The following WDR33 variants were observed in gnomAD, a reference collection of about 807,000 sequenced individuals.
The protein encoded by WDR33 is WD repeat domain 33.
A neutral mutation model predicts 164.9 loss-of-function variants in WDR33; 47 were observed. The ratio of observed to expected loss-of-function variants is 0.29; its 90% CI spans 0.23 to 0.36. The LOEUF is 0.36. Ranked by LOEUF, WDR33 falls within the 10% of genes least tolerant of loss-of-function variation. The pLI is 1.00. For synonymous variants in WDR33, 505 were observed against 589.0 expected (o/e 0.86, Z 2.06); for missense variants, 1,137 against 1,754.1 (o/e 0.65, Z 6.28).
chr2:127,788,101 G>GTTA (rs1688666345), intron 1 of WDR33, among the ~76,000 whole-genome samples: 2 of 95,864 alleles, frequency 2.1e-5, no homozygotes, highest in African/African-American at 5.2e-5. Flanking sequence ...CGGACGGGGC[G>GTTA]GCTGGCCGGG....
intron 7 of WDR33, among the ~76,000 whole-genome samples, chr2:127,757,223 T>C (rs573196939): frequency 6.6e-6 from 1 of 152,280 alleles, no homozygotes; most frequent in East Asian, 1.9e-4. Flanking sequence ...CAATAAGTTT[T>C]GGTCATATTA....
At chr2:127,794,410 G>T (rs1394239898) in intron 1 of WDR33, among the ~76,000 whole-genome samples, 1 of 151,390 alleles carries the variant, frequency 6.6e-6, no homozygotes, top group Non-Finnish European at 1.5e-5. Flanking sequence ...TGAGGCAGGA[G>T]AATCACTTGA....
intron 8 of WDR33, among the ~76,000 whole-genome samples, chr2:127,725,992 T>C (rs1453033453): frequency 6.6e-6 from 1 of 152,060 alleles, no homozygotes; most frequent in Non-Finnish European, 1.5e-5. Flanking sequence ...ACAATGGATA[T>C]CTCCAAGGGA....
chr2:127,788,457 C>T (rs1688695490), intron 1 of WDR33, among the ~76,000 whole-genome samples: 1 of 129,466 alleles, frequency 7.7e-6, no homozygotes, highest in Non-Finnish European at 1.6e-5. Context: ...GACGGGGCGG[C>T]TGGCCGGGCG....
chr2:127,787,484 G>A (rs931694720), intron 1 of WDR33, among the ~76,000 whole-genome samples: 3 of 137,696 alleles, frequency 2.2e-5, no homozygotes, highest in Admixed American at 1.4e-4. Flanking sequence ...GCCGGGCGGG[G>A]GGCTGACCCC....
At position 127,763,305 on chromosome 2, in the gene WDR33, T is replaced by C; in HGVS notation, c.627-146A>G. The C allele has an allele frequency of 1.4e-6, 2 of 1,459,828 alleles. No homozygotes were observed. Among genetic ancestry groups the C allele is most frequent in the Non-Finnish European group, 1.8e-6 (2 of 1,106,860 alleles). 90.4% of individuals were successfully genotyped at this position (1,459,828 alleles called of 1,614,324 possible). A position where few individuals can be genotyped will look rare whatever the true frequency, so the allele number is the denominator to read the frequency against. ...AGTGAAGAAGCCCTTAAAGTGAATG[T>C]CGTCAGCTAACATAGGCATCTCATC... On this transcript the variant is annotated intron_variant, in intron 6 of 21. Coordinates refer to ENST00000322313, the MANE Select transcript of WDR33 (RefSeq NM_018383.5). This position sits in a 1 kb window ranked among gnomAD's most constrained non-coding sequence, Gnocchi z 4.5.
Position 127,764,570 on chromosome 2 carries a change from A to G in WDR33, c.626+258T>C, listed in dbSNP as rs1215847853. 1 of 1,550,600 alleles carries G rather than the reference A, an allele frequency of 6.4e-7. No individual in the cohort carries two copies. ...ATACACATTATTAATCATAAATGAAAAGAGAAAACCAGTGCAAAATGCGGC... is the reference window on the plus strand; with the variant it reads ...ATACACATTATTAATCATAAATGAAGAGAGAAAACCAGTGCAAAATGCGGC... On this transcript the variant is annotated intron_variant, in intron 6 of 21. Transcript: ENST00000322313. This position sits in a 1 kb window ranked among gnomAD's most constrained non-coding sequence, Gnocchi z 6.2.
Position 127,738,189 on chromosome 2 carries a change from T to C in WDR33, c.725-11412A>G, listed in dbSNP as rs1686910292. ...TATTAATGAGTAATCTGAGATAACA[T>C]ATGCTCCAACTGGATCTTAACAAAC... On this transcript the variant is annotated intron_variant, in intron 7 of 21. Transcript: ENST00000322313. The surrounding 1 kb of genome is among the most constrained non-coding windows in gnomAD (Gnocchi z 4.4). 1.5e-6 allele frequency: 1 copy of C among 683,692 alleles called. No homozygotes were observed. Among genetic ancestry groups the C allele is most frequent in the Non-Finnish European group, 2.2e-6 (1 of 454,616 alleles). The allele number at this position is 683,692 out of a possible 1,614,324, so 42.4% of individuals were successfully genotyped here. A position where few individuals can be genotyped will look rare whatever the true frequency, so the allele number is the denominator to read the frequency against.
In WDR33 at chr2:127,722,733, G is replaced by A. The variant is rs754784471; in HGVS notation, c.1379-3C>T. The A allele has an allele frequency of 1.2e-6, 2 of 1,613,000 alleles. No individual in the cohort carries two copies. Among genetic ancestry groups the A allele is most frequent in the South Asian group, 1.1e-5 (1 of 90,760 alleles). Reference sequence around the variant, plus strand: ...AATTTCATTTGATTCATCTTTCCCTGTAACCGTAAAGAAAAGTGGTTTGCC... The same window carrying A: ...AATTTCATTTGATTCATCTTTCCCTATAACCGTAAAGAAAAGTGGTTTGCC... On this transcript the variant is annotated splice_polypyrimidine_tract_variant and splice_region_variant and intron_variant, in intron 13 of 21. Transcript: ENST00000322313. This position sits in a 1 kb window ranked among gnomAD's most constrained non-coding sequence, Gnocchi z 5.1.
rs1330472238 is a variant in WDR33 at position 127,768,281 on chromosome 2, T to C, written c.286A>G (p.Ile96Val). 3.2e-6 allele frequency: 5 copies of C among 1,564,074 alleles called. No individual in the cohort carries two copies. Among genetic ancestry groups the C allele is most frequent in the Non-Finnish European group, 4.3e-6 (5 of 1,151,620 alleles). The change falls in exon 4 of 22, where the codon ATA (isoleucine) becomes GTA (valine). Residue 96 changes from isoleucine (I) to valine (V), a missense_variant. Transcript: ENST00000322313. ...TTCATAGGATTATTCAACATTCCTA[T>C]AGGTGGGACCAGCTACAAAAAAGGA... The part of the protein sequence containing the change: ...AGYYNDLVPP[I>V]GMLNNPMNAV...
chr2:127,711,827 C>T (rs1367327112), intron 18 of WDR33, among the ~76,000 whole-genome samples: 2 of 139,980 alleles, frequency 1.4e-5, no homozygotes, highest in East Asian at 4.1e-4. Flanking sequence ...GGCTGGAGTG[C>T]AGTGGTGCAA....
chr2:127,810,675 T>A (rs1424249693), intron 1 of WDR33: 1 of 152,294 alleles, frequency 6.6e-6, no homozygotes, highest in Admixed American at 6.5e-5. Context: ...CCCACTTCTT[T>A]CCACTCCCGC....
At position 127,718,194 on chromosome 2, in the gene WDR33, T is replaced by G. The variant is rs1056742485; in HGVS notation, c.2761-931A>C. Among the ~76,000 whole-genome samples the G allele has an allele frequency of 4.6e-5, 7 of 152,142 alleles. No individual in the cohort carries two copies. Among genetic ancestry groups the G allele is most frequent in the African/African-American group, 1.7e-4 (7 of 41,434 alleles). The stretch of plus-strand genomic sequence containing the variant: ...TAATTTATTTGTTTTAGCTTAGTAG[T>G]TGAGTTCAGGAAACCCAATGGTCAT... On this transcript the variant is annotated intron_variant, in intron 16 of 21. Transcript: ENST00000322313. This position sits in a 1 kb window ranked among gnomAD's most constrained non-coding sequence, Gnocchi z 4.4.
chr2:127,789,586 C>G (rs1417981032), intron 1 of WDR33, among the ~76,000 whole-genome samples: 1 of 150,614 alleles, frequency 6.6e-6, no homozygotes, highest in Non-Finnish European at 1.5e-5. Flanking sequence ...AGGCACTCGG[C>G]AGGCTGAGGC....
Position 127,706,495 on chromosome 2 carries a change from A to G in WDR33, c.3839T>C (p.Leu1280Ser). ...GTATCCATCGTGGTGCTCTCCGTCT[A>G]AGGAGCTGGAACGCCCAGATTTGGG... ...RVPKSGRSSS[L>S]DGEHHDGYHR... is the part of the protein sequence containing the mutation. Residue 1280 changes from leucine (L) to serine (S), a missense_variant, in exon 22 of 22, where the codon TTA (leucine) becomes TCA (serine). Leu to Ser is a moderately radical substitution (Grantham distance 145). Around this residue, in one of 9 missense-constraint regions of WDR33, gnomAD observed 867 missense variants for 1,073.0 expected, o/e 0.81. Transcript: ENST00000322313. The surrounding 1 kb of genome is among the most constrained non-coding windows in gnomAD (Gnocchi z 5.1). The G allele has an allele frequency of 1.2e-6, 2 of 1,613,150 alleles. No individual in the cohort carries two copies. Among genetic ancestry groups the G allele is most frequent in the Non-Finnish European group, 1.7e-6 (2 of 1,179,600 alleles).
In WDR33 at chr2:127,711,780, A is replaced by ATATTTTTTTTTTTTTT; in HGVS notation, c.3308+1802_3308+1803insAAAAAAAAAAAAAATA. 8.8e-4 allele frequency among the ~76,000 whole-genome samples: 78 copies of ATATTTTTTTTTTTTTT among 88,282 alleles called. No homozygotes were observed. The East Asian group carries it at 8.9e-3, about 10-fold the overall frequency. 57.9% of individuals were successfully genotyped at this position (88,282 alleles called of 152,430 possible). On this transcript the variant is annotated intron_variant, in intron 18 of 21. Coordinates refer to ENST00000322313, the MANE Select transcript of WDR33 (RefSeq NM_018383.5). ...TATATATATATATATATATATATAT[A>ATATTTTTTTTTTTTTT]TTTTTTTTTTGAGACAGAGTCTCGC...
intron 4 of WDR33, among the ~76,000 whole-genome samples, chr2:127,766,598 AT>A (rs1249069682): frequency 6.6e-6 from 1 of 152,094 alleles, no homozygotes; most frequent in African/African-American, 2.4e-5. Context: ...AAATGAGAAC[AT>A]TTACCCACCT....
intron 18 of WDR33, among the ~76,000 whole-genome samples, chr2:127,711,424 CAAAAAA>C: frequency 1.9e-5 from 1 of 53,776 alleles, no homozygotes; most frequent in East Asian, 5.7e-4. Context: ...GATTCCCTCT[CAAAAAA>C]AAAAAAAAAA....
In WDR33 at chr2:127,713,749, C is replaced by G; in HGVS notation, c.3142G>C (p.Gly1048Arg). The G allele has an allele frequency of 6.2e-7, 1 of 1,614,238 alleles. No homozygotes were observed. The part of the protein sequence containing the change: ...PLPQEEKWRR[G>R]GPGPPFPPDH... ...GGGGGAAACGGAGGCCCAGGGCCCC[C>G]TCGCCTCCACTTCTCTTCTTGCGGT... Residue 1048 changes from glycine (G) to arginine (R), a missense_variant, in exon 18 of 22, where the codon GGG becomes CGG. Coordinates refer to ENST00000322313, the MANE Select transcript of WDR33 (RefSeq NM_018383.5). This position sits in a 1 kb window ranked among gnomAD's most constrained non-coding sequence, Gnocchi z 6.2.
Sources: allele counts gnomAD v4.1 joint callset (sites outside exome capture counted in the v4.1 genomes callset), GRCh38; gene constraint gnomAD v4.1.1; regional missense constraint gnomAD v4.1.1; non-coding constraint Gnocchi (gnomAD v3.1); transcripts MANE v1.5; gene names NCBI Gene and HGNC (gene_info 2026-07-23, HGNC 2026-07-21).